Variants in CARM1 observed in about 807,000 individuals in gnomAD.
CARM1 encodes the protein coactivator associated arginine methyltransferase 1, also known as histone-arginine methyltransferase CARM1.
Under a neutral mutation model 72.7 loss-of-function variants are expected in CARM1, and 14 were observed. The ratio of observed to expected loss-of-function variants is 0.19; its 90% confidence interval spans 0.13 to 0.30. The LOEUF is 0.30. Ranked by LOEUF, CARM1 falls within the 10% of genes least tolerant of loss-of-function variation. CARM1 has a pLI of 1.00. For missense variants in CARM1, 432 were observed against 833.7 expected, an observed-to-expected ratio of 0.52 and a Z score of 5.93; for synonymous variants, 333 against 345.5, an observed-to-expected ratio of 0.96 and a Z score of 0.40.
At chr19:10,876,767 A>G (rs1002258902) in intron 1 of CARM1, among the ~76,000 whole-genome samples, 10 of 152,256 alleles carry the variant, frequency 6.6e-5, no homozygotes, top group Non-Finnish European at 1.5e-4. Context: ...GTTCCTGGGC[A>G]TAGGCTGCCC....
In CARM1 at chr19:10,921,837, T is replaced by A; in HGVS notation, c.*80T>A. 7.1e-7 allele frequency: 1 copy of A among 1,404,176 alleles called. No homozygotes were observed. Among genetic ancestry groups the A allele is most frequent in the Non-Finnish European group, 9.7e-7 (1 of 1,031,984 alleles). 87.0% of individuals were successfully genotyped at this position (1,404,176 alleles called of 1,614,324 possible). On this transcript the variant is annotated 3_prime_UTR_variant, in exon 16 of 16. Transcript: ENST00000327064. ...CGCCCCCGCCGGGCGGCTTTCCCCC[T>A]TGTACTGGAGAAGCTCGAACACCCG... is the stretch of plus-strand genomic sequence containing the variant.
intron 15 of CARM1, 70 bp downstream of exon 15, chr19:10,921,513 C>T (rs2074249593): frequency 2.6e-6 from 4 of 1,566,922 alleles, no homozygotes; most frequent in Admixed American, 3.8e-5. Flanking sequence ...CTCTGTCCGG[C>T]CGCCCGCCTG....
At chr19:10,914,565 C>T (rs1168651902) in intron 6 of CARM1, among the ~76,000 whole-genome samples, 2 of 152,122 alleles carry the variant, frequency 1.3e-5, no homozygotes, top group African/African-American at 4.8e-5. Flanking sequence ...GTGACTGTTT[C>T]TTTTTTTGAG....
At chr19:10,897,111 C>T (rs984429701) in intron 1 of CARM1, among the ~76,000 whole-genome samples, 1 of 152,186 alleles carries the variant, frequency 6.6e-6, no homozygotes, top group Non-Finnish European at 1.5e-5. Context: ...TCAGCCAAGG[C>T]CTGCTCTAGG....
chr19:10,921,730 G>T lies in CARM1; in HGVS notation c.1800G>T (p.Pro600=). 2 of 1,611,628 alleles carry T rather than the reference G, an allele frequency of 1.2e-6. No homozygotes were observed. The highest frequency in any genetic ancestry group is 2.2e-5 in the South Asian group (2 of 90,920). ...AISMASPMSI[P]TNTMHYGS is the part of the protein sequence containing the mutation. The stretch of plus-strand genomic sequence containing the variant: ...CCATGGCGTCGCCCATGTCCATCCC[G>T]ACCAACACCATGCACTACGGGAGCT... Residue 600 remains proline (P), a synonymous_variant, in exon 16 of 16, where the codon CCG becomes CCT. Transcript: ENST00000327064.
At chr19:10,914,514 A>G (rs988337190) in intron 6 of CARM1, among the ~76,000 whole-genome samples, 15 of 152,122 alleles carry the variant, frequency 9.9e-5, no homozygotes, top group African/African-American at 3.4e-4. Flanking sequence ...CCCATCTGTC[A>G]CTTCCCATCC....
chr19:10,874,824 C>A (rs543550884), intron 1 of CARM1, among the ~76,000 whole-genome samples: 3 of 152,116 alleles, frequency 2.0e-5, no homozygotes, highest in Non-Finnish European at 4.4e-5. Flanking sequence ...GAGGTTGAGA[C>A]CAGCTTGGCC....
At position 10,912,361 on chromosome 19, in the gene CARM1, A is replaced by G; in HGVS notation, c.669+67A>G. 1 of 1,255,562 alleles carries G rather than the reference A, an allele frequency of 8.0e-7. No individual in the cohort carries two copies. The highest frequency in any genetic ancestry group is 1.2e-6 in the Non-Finnish European group (1 of 860,088). The allele number at this position is 1,255,562 out of a possible 1,614,324, so 77.8% of individuals were successfully genotyped here. A position where few individuals can be genotyped will look rare whatever the true frequency, so the allele number is the denominator to read the frequency against. ...ATGAGTGCCATGCCGGCCCCAGCCT[A>G]GAGAAGCTTGGGAACCCCCAGGGGC... On this transcript the variant is annotated intron_variant, in intron 5 of 15. Coordinates refer to ENST00000327064, the MANE Select transcript of CARM1 (RefSeq NM_199141.2). The surrounding 1 kb of genome is among the most constrained non-coding windows in gnomAD (Gnocchi z 4.5).
At position 10,921,422 on chromosome 19, in the gene CARM1, A is replaced by G. The variant is rs765989991; in HGVS notation, c.1663A>G (p.Met555Val). 6.2e-7 allele frequency: 1 copy of G among 1,610,324 alleles called. No individual in the cohort carries two copies. ...NHTHSRMGSIMSTGIVQGSSG... is the reference protein window; with the variant it reads ...NHTHSRMGSIVSTGIVQGSSG... ...CACCCACTCCCGGATGGGCTCCATA[A>G]TGAGCACGGGGATTGTCCAAGGTAA... is the stretch of plus-strand genomic sequence containing the variant. Residue 555 changes from methionine (M) to valine (V), a missense_variant, in exon 15 of 16, where the codon ATG becomes GTG. Physicochemically the swap from Met to Val is conservative, Grantham distance 21. Coordinates refer to ENST00000327064, the MANE Select transcript of CARM1 (RefSeq NM_199141.2).
At chr19:10,900,292 A>G (rs1291100184) in intron 1 of CARM1, among the ~76,000 whole-genome samples, 1 of 152,204 alleles carries the variant, frequency 6.6e-6, no homozygotes, top group African/African-American at 2.4e-5. Context: ...ACAATGTTGC[A>G]TAACAATCAC....
At chr19:10,881,078 A>C (rs1283667459) in intron 1 of CARM1, among the ~76,000 whole-genome samples, 16 of 152,056 alleles carry the variant, frequency 1.1e-4, no homozygotes, top group Admixed American at 9.8e-4. Context: ...AGGCGGGAGG[A>C]TTGCTTGAGC....
At chr19:10,887,080 T>C (rs369441322) in intron 1 of CARM1, among the ~76,000 whole-genome samples, 2 of 152,218 alleles carry the variant, frequency 1.3e-5, no homozygotes, top group African/African-American at 4.8e-5. Flanking sequence ...ACTGAGGCAC[T>C]AAAACTTTGG....
Position 10,907,779 on chromosome 19 carries a change from C to G in CARM1, c.347-260C>G, listed in dbSNP as rs576393917. 3.9e-5 allele frequency among the ~76,000 whole-genome samples: 6 copies of G among 152,314 alleles called. No homozygotes were observed. The East Asian group carries it at 7.7e-4, about 20-fold the overall frequency. ...CCAAGCTGCCCTTTGGTGAGGAATC[C>G]CCAGGCCCACTCCCACCAGACAGCA... is the stretch of plus-strand genomic sequence containing the variant. On this transcript the variant is annotated intron_variant, in intron 2 of 15. Coordinates refer to ENST00000327064, the MANE Select transcript of CARM1 (RefSeq NM_199141.2).
At chr19:10,891,484 G>A (rs1399237022) in intron 1 of CARM1, among the ~76,000 whole-genome samples, 1 of 152,150 alleles carries the variant, frequency 6.6e-6, no homozygotes, top group Admixed American at 6.5e-5. Context: ...TGGGGTGGGT[G>A]CAGGGCTTGT....
chr19:10,887,412 G>A (rs370257505), intron 1 of CARM1, among the ~76,000 whole-genome samples: 26 of 152,008 alleles, frequency 1.7e-4, no homozygotes, highest in South Asian at 8.3e-4. Context: ...CACATCTGGC[G>A]AAGCAGCCTG....
At chr19:10,919,515 C>G (rs774941372) in intron 8 of CARM1, 80 bp from the exon 9 acceptor site, 714 of 1,038,014 alleles carry the variant, frequency 6.9e-4, no homozygotes, top group Non-Finnish European at 9.6e-4. Flanking sequence ...CGTGGGCAGA[C>G]CTGGGGGAAG....
chr19:10,895,919 C>CT (rs2074020656), intron 1 of CARM1, among the ~76,000 whole-genome samples: 1 of 152,126 alleles, frequency 6.6e-6, no homozygotes, highest in African/African-American at 2.4e-5. Context: ...AGGGTGATCT[C>CT]TAAGGAGCAT....
At chr19:10,898,666 G>A (rs1325497980) in intron 1 of CARM1, among the ~76,000 whole-genome samples, 2 of 152,214 alleles carry the variant, frequency 1.3e-5, no homozygotes, top group South Asian at 2.1e-4. Context: ...CATCTGTGGC[G>A]AGCACTGAAT....
rs1323177248 is a variant in CARM1 at position 10,890,260 on chromosome 19, G to T, written c.221-14691G>T. ...AAATTAGGTGGTTTTTTTGTTTTTTGTTTTGTTTGTTTTTTTTTTTTTTTG... is the reference window on the plus strand; with the variant it reads ...AAATTAGGTGGTTTTTTTGTTTTTTTTTTTGTTTGTTTTTTTTTTTTTTTG... On this transcript the variant is annotated intron_variant, in intron 1 of 15. Coordinates refer to ENST00000327064, the MANE Select transcript of CARM1 (RefSeq NM_199141.2). Among the ~76,000 whole-genome samples, 102 of 110,590 alleles carry T rather than the reference G, an allele frequency of 9.2e-4. 2 individuals are homozygous for T. The South Asian group carries it at 0.016, about 18-fold the overall frequency. The allele number at this position is 110,590 out of a possible 152,430, so 72.6% of individuals were successfully genotyped here.
Sources: allele counts gnomAD v4.1 joint callset (sites outside exome capture counted in the v4.1 genomes callset), GRCh38; gene constraint gnomAD v4.1.1; non-coding constraint Gnocchi (gnomAD v3.1); transcripts MANE v1.5; gene names NCBI Gene and HGNC (gene_info 2026-07-23, HGNC 2026-07-21).